Variants in DLGAP3 observed in about 807,000 individuals in gnomAD.
The protein encoded by DLGAP3 is disks large-associated protein 3.
A neutral mutation model predicts 81.2 loss-of-function variants in DLGAP3; 17 were observed. That is an observed-to-expected ratio of 0.21 (90% CI 0.14 to 0.31). The LOEUF is 0.31. DLGAP3 is among the 10% of genes least tolerant of loss of function. The pLI is 1.00. For synonymous variants in DLGAP3, 577 were observed against 587.4 expected (o/e 0.98, Z 0.26); for missense variants, 1,124 against 1,388.0 (o/e 0.81, Z 3.02).
rs1220407058 is a variant in DLGAP3, at chr1:34,904,420, G to A, written c.964C>T (p.Leu322=). The change falls in exon 3 of 12, where the codon CTG becomes TTG. Residue 322 remains leucine (L), a synonymous_variant. Transcript: ENST00000373347. This position sits in a 1 kb window ranked among gnomAD's most constrained non-coding sequence, Gnocchi z 8.1. Reference sequence around the variant, plus strand: ...CTTCGCTTGACCGACTGTCCATCCAGTGACATGGACATGCCAGTGCAGGCA... The same window carrying A: ...CTTCGCTTGACCGACTGTCCATCCAATGACATGGACATGCCAGTGCAGGCA... ...CLACTGMSMS[L]DGQSVKRSAW... 6.2e-7 allele frequency: 1 copy of A among 1,613,952 alleles called. No homozygotes were observed. The highest frequency in any genetic ancestry group is 1.3e-5 in the African/African-American group (1 of 74,938).
chr1:34,909,068 G>C (rs1293354229), intron 1 of DLGAP3, among the ~76,000 whole-genome samples: 2 of 152,162 alleles, frequency 1.3e-5, no homozygotes, highest in Non-Finnish European at 2.9e-5. Context: ...AGCACAAAAG[G>C]CCACTTTGGC....
In DLGAP3 at chr1:34,902,077, G is replaced by A; in HGVS notation, c.1108-1804C>T. On this transcript the variant is annotated intron_variant, in intron 3 of 11. Coordinates refer to ENST00000373347, the MANE Select transcript of DLGAP3 (RefSeq NM_001080418.3). The surrounding 1 kb of genome is among the most constrained non-coding windows in gnomAD (Gnocchi z 4.4). Reference sequence around the variant, plus strand: ...GGCTGGGAATTTGGATGCGTCTAGAGAGATGCTGTCAGGAAGCTGAGGGAG... The same window carrying A: ...GGCTGGGAATTTGGATGCGTCTAGAAAGATGCTGTCAGGAAGCTGAGGGAG... Among the ~76,000 whole-genome samples, 1 of 152,062 alleles carries A rather than the reference G, an allele frequency of 6.6e-6. No individual in the cohort carries two copies. The highest frequency in any genetic ancestry group is 2.1e-4 in the South Asian group (1 of 4,822).
intron 5 of DLGAP3, among the ~76,000 whole-genome samples, chr1:34,893,178 CAAAAAAAA>C (rs58802413): frequency 2.4e-5 from 2 of 84,806 alleles, no homozygotes; most frequent in East Asian, 6.8e-4. Flanking sequence ...GACTCCGTCT[CAAAAAAAA>C]AAAAAAAAAA....
chr1:34,897,300 A>T (rs1369511227), intron 5 of DLGAP3, among the ~76,000 whole-genome samples: 1 of 152,222 alleles, frequency 6.6e-6, no homozygotes, highest in African/African-American at 2.4e-5. Context: ...AGCAGGAGGA[A>T]GAAGACAGAG....
At chr1:34,894,803 C>T (rs951652770) in intron 5 of DLGAP3, among the ~76,000 whole-genome samples, 10 of 152,174 alleles carry the variant, frequency 6.6e-5, no homozygotes, top group African/African-American at 2.4e-4. Context: ...TGAGTACATA[C>T]AATCAAGAGC....
rs74064474 is a variant in DLGAP3, at chr1:34,909,366, T to A, written c.-134-1929A>T. 6.1e-3 allele frequency among the ~76,000 whole-genome samples: 934 copies of A among 152,298 alleles called. 13 individuals carry two copies. Among genetic ancestry groups the A allele is most frequent in the African/African-American group, 0.022 (907 of 41,552 alleles). ...CCAGATCCTACAGGGAAGCCCTGTATAGTGGAAAAGCACAAGTCCTGAGAC... is the reference window on the plus strand; with the variant it reads ...CCAGATCCTACAGGGAAGCCCTGTAAAGTGGAAAAGCACAAGTCCTGAGAC... On this transcript the variant is annotated intron_variant, in intron 1 of 11. Coordinates refer to ENST00000373347, the MANE Select transcript of DLGAP3 (RefSeq NM_001080418.3).
intron 5 of DLGAP3, among the ~76,000 whole-genome samples, chr1:34,894,951 T>C (rs781107308): frequency 3.3e-5 from 5 of 152,342 alleles, no homozygotes; most frequent in Admixed American, 1.3e-4. Flanking sequence ...ACTTAAGTAT[T>C]TGAGGTGATG....
chr1:34,912,558 C>A (rs561761291), intron 1 of DLGAP3, among the ~76,000 whole-genome samples: 10 of 152,302 alleles, frequency 6.6e-5, no homozygotes, highest in African/African-American at 1.9e-4. Context: ...TATCCAATCC[C>A]CTCACCTGGA....
Position 34,905,040 on chromosome 1 carries a change from G to A in DLGAP3, c.344C>T (p.Pro115Leu). ...CVGHPQGKGA[P>L]RLPPTLLDQF... ...ATCCAGGAGTGTAGGAGGCAGGCGG[G>A]GGGCACCCTTGCCCTGTGGGTGGCC... Residue 115 changes from proline to leucine, a missense_variant, in exon 3 of 12, where the codon CCC becomes CTC. Physicochemically the swap from Pro to Leu is moderately conservative, Grantham distance 98. Coordinates refer to ENST00000373347, the MANE Select transcript of DLGAP3 (RefSeq NM_001080418.3). 1 of 1,604,320 alleles carries A rather than the reference G, an allele frequency of 6.2e-7. No individual in the cohort carries two copies. The highest frequency in any genetic ancestry group is 8.5e-7 in the Non-Finnish European group (1 of 1,175,516).
At chr1:34,896,921 G>A (rs970062347) in intron 5 of DLGAP3, among the ~76,000 whole-genome samples, 1 of 152,060 alleles carries the variant, frequency 6.6e-6, no homozygotes, top group East Asian at 1.9e-4. Context: ...CACTACCCTA[G>A]GTTTAGGCCA....
intron 1 of DLGAP3, among the ~76,000 whole-genome samples, chr1:34,918,582 C>A (rs964717460): frequency 6.6e-6 from 1 of 152,206 alleles, no homozygotes; most frequent in Non-Finnish European, 1.5e-5. Flanking sequence ...AGCCGGGGAA[C>A]AGGCCCCAGT....
At position 34,886,015 on chromosome 1, in the gene DLGAP3, C is replaced by T. The variant is rs1639221648; in HGVS notation, c.1600+57G>A. The T allele has an allele frequency of 2.0e-6, 3 of 1,513,578 alleles. No individual in the cohort carries two copies. In the Admixed American group the frequency reaches 5.9e-5, roughly 30 times the overall value. 93.8% of individuals were successfully genotyped at this position (1,513,578 alleles called of 1,614,324 possible). On this transcript the variant is annotated intron_variant, in intron 6 of 11. Transcript: ENST00000373347. ...CACAGTCGAGGGGGAGGCCAGAACC[C>T]GGACCCAGGGCGCTCTCCTGCCTAG... is the stretch of plus-strand genomic sequence containing the variant.
chr1:34,872,757 T>A lies in DLGAP3; in HGVS notation c.2001-3668A>T, dbSNP rs79253409. Among the ~76,000 whole-genome samples the A allele has an allele frequency of 1.3e-4, 20 of 152,322 alleles. No homozygotes were observed. In the East Asian group the frequency reaches 3.7e-3, roughly 28 times the overall value. On this transcript the variant is annotated intron_variant, in intron 8 of 11. Transcript: ENST00000373347. Reference sequence around the variant, plus strand: ...ACCTAGGGACTCAACCCACCACTGCTGGCTCTGAAGATAGAAGCAAGCTGC... The same window carrying A: ...ACCTAGGGACTCAACCCACCACTGCAGGCTCTGAAGATAGAAGCAAGCTGC...
At position 34,868,746 on chromosome 1, in the gene DLGAP3, G is replaced by A. The variant is rs778636829; in HGVS notation, c.2344C>T (p.Leu782Phe). The change falls in exon 9 of 12, where the codon CTC (leucine) becomes TTC (phenylalanine). Residue 782 changes from leucine to phenylalanine, a missense_variant. Physicochemically the swap from Leu to Phe is conservative, Grantham distance 22. This residue lies in a region of DLGAP3 where 379 missense variants were observed against 455.7 expected (regional missense o/e 0.83). Coordinates refer to ENST00000373347, the MANE Select transcript of DLGAP3 (RefSeq NM_001080418.3). The surrounding 1 kb of genome is among the most constrained non-coding windows in gnomAD (Gnocchi z 7.5). ...GGGGATGCGCGGCCTGAGTCGGGGAGGCTACGTGAACCGCGCTCTATCCAG... is the reference window on the plus strand; with the variant it reads ...GGGGATGCGCGGCCTGAGTCGGGGAAGCTACGTGAACCGCGCTCTATCCAG... The part of the protein sequence containing the change: ...DSWIERGSRS[L>F]PDSGRASPCP... 1.9e-6 allele frequency: 3 copies of A among 1,607,964 alleles called. No homozygotes were observed. Among genetic ancestry groups the A allele is most frequent in the African/African-American group, 2.7e-5 (2 of 74,930 alleles).
At chr1:34,872,598 G>A (rs549497148) in intron 8 of DLGAP3, among the ~76,000 whole-genome samples, 75 of 152,176 alleles carry the variant, frequency 4.9e-4, no homozygotes, top group Non-Finnish European at 9.6e-4. Flanking sequence ...TTGCAGATGC[G>A]ATTAAGTTAA....
At chr1:34,885,847 C>A in intron 6 of DLGAP3, 56 bp from the exon 7 acceptor site, 1 of 1,345,914 alleles carries the variant, frequency 7.4e-7, no homozygotes, top group Non-Finnish European at 9.8e-7. Flanking sequence ...CTGCCTGGGT[C>A]CTGGGCCCGC....
chr1:34,883,589 G>A (rs1639176506), intron 8 of DLGAP3, among the ~76,000 whole-genome samples: 1 of 152,156 alleles, frequency 6.6e-6, no homozygotes, highest in Non-Finnish European at 1.5e-5. Context: ...TTTGCAAATT[G>A]GGTTTGCCAT....
rs1420004868 is a variant in DLGAP3 at position 34,905,042 on chromosome 1, G to A, written c.342C>T (p.Ala114=). Residue 114 remains alanine, a synonymous_variant, in exon 3 of 12, where the codon GCC becomes GCT. Coordinates refer to ENST00000373347, the MANE Select transcript of DLGAP3 (RefSeq NM_001080418.3). ...DCVGHPQGKG[A]PRLPPTLLDQ... ...CCAGGAGTGTAGGAGGCAGGCGGGG[G>A]GCACCCTTGCCCTGTGGGTGGCCCA... The A allele has an allele frequency of 8.1e-6, 13 of 1,602,982 alleles. No individual in the cohort carries two copies. Among genetic ancestry groups the A allele is most frequent in the Non-Finnish European group, 9.4e-6 (11 of 1,174,942 alleles).
At chr1:34,878,076 G>A (rs528535786) in intron 8 of DLGAP3, among the ~76,000 whole-genome samples, 6 of 152,288 alleles carry the variant, frequency 3.9e-5, no homozygotes, top group Non-Finnish European at 5.9e-5. Context: ...AGGCTGAGCC[G>A]GGTGGATCAC....
Sources: gnomAD v4.1 joint callset for allele counts (sites outside exome capture counted in the v4.1 genomes callset) on GRCh38, gnomAD v4.1.1 for gene constraint, gnomAD v4.1.1 regional missense constraint, Gnocchi (gnomAD v3.1) non-coding constraint, MANE v1.5 for transcripts, NCBI Gene and HGNC (gene_info 2026-07-23, HGNC 2026-07-21) for gene names.